CCSER1: variants seen among roughly 807,000 people sequenced by gnomAD.
CCSER1 encodes the protein coiled-coil serine rich protein 1, also known as serine-rich coiled-coil domain-containing protein 1.
In CCSER1, 41 loss-of-function variants were observed where a neutral mutation model predicts 82.0. That is an observed-to-expected ratio of 0.50 (90% CI 0.39 to 0.65). The LOEUF (loss-of-function observed/expected upper bound fraction) is 0.65, where lower values mean the gene tolerates loss of function less well. CCSER1 is among the 30% of genes least tolerant of loss of function. The pLI is 0.00. For missense variants in CCSER1, 1,119 were observed against 1,064.2 expected (o/e 1.05, Z -0.72); for synonymous variants, 414 against 383.9 (o/e 1.08, Z -0.92).
intron 9 of CCSER1, among the ~76,000 whole-genome samples, chr4:91,073,120 T>TTCAAAGA (rs1721607871): frequency 6.6e-6 from 1 of 152,078 alleles, no homozygotes; most frequent in Non-Finnish European, 1.5e-5. Context: ...AGTATAGACA[T>TTCAAAGA]TCAAAGATTA....
At chr4:91,268,646 C>T (rs1409880048) in intron 10 of CCSER1, among the ~76,000 whole-genome samples, 2 of 152,034 alleles carry the variant, frequency 1.3e-5, no homozygotes, top group African/African-American at 2.4e-5. Context: ...TCCGTAAAGA[C>T]AGTCAGCAAA....
Position 91,318,446 on chromosome 4 carries a change from G to C in CCSER1, c.2217+232452G>C, listed in dbSNP as rs141968694. Among the ~76,000 whole-genome samples the C allele has an allele frequency of 3.9e-3, 599 of 152,058 alleles. 3 individuals carry two copies. The highest frequency in any genetic ancestry group is 0.014 in the African/African-American group (575 of 41,526). On this transcript the variant is annotated intron_variant, in intron 10 of 10. Coordinates refer to ENST00000509176, the MANE Select transcript of CCSER1 (RefSeq NM_001145065.2). ...TAAGATATTGGAAAGAACTGAGTTT[G>C]AGTGAAATTCCTGGGTTTACATTAT...
chr4:90,181,008 G>C (rs574808105), intron 1 of CCSER1, among the ~76,000 whole-genome samples: 8 of 152,064 alleles, frequency 5.3e-5, no homozygotes, highest in Non-Finnish European at 1.0e-4. Flanking sequence ...GAGCATAACA[G>C]TAATCTTTAC....
At chr4:90,735,192 G>T (rs1402947698) in intron 7 of CCSER1, among the ~76,000 whole-genome samples, 1 of 152,126 alleles carries the variant, frequency 6.6e-6, no homozygotes, top group Non-Finnish European at 1.5e-5. Flanking sequence ...CATGACGAAT[G>T]ATCTTTTTAA....
chr4:90,849,743 C>T lies in CCSER1; in HGVS notation c.2094+33898C>T, dbSNP rs568144857. Among the ~76,000 whole-genome samples, 7 of 146,268 alleles carry T rather than the reference C, an allele frequency of 4.8e-5. No individual in the cohort carries two copies. In the East Asian group the frequency reaches 1.2e-3, roughly 26 times the overall value. On this transcript the variant is annotated intron_variant, in intron 8 of 10. Transcript: ENST00000509176. The stretch of plus-strand genomic sequence containing the variant: ...GGCAGAGCTTGCAGTGAGCCGTGAT[C>T]GTGCCACTGCACTCCAGCCTGGGCA...
At chr4:90,414,093 T>TTCC (rs2153557345) in intron 4 of CCSER1, among the ~76,000 whole-genome samples, 1 of 147,972 alleles carries the variant, frequency 6.8e-6, no homozygotes, top group South Asian at 2.1e-4. Flanking sequence ...TATTATTATT[T>TTCC]TTATGAAAGC....
chr4:90,883,024 AGAC>A (rs2150080338), intron 8 of CCSER1, among the ~76,000 whole-genome samples: 1 of 152,184 alleles, frequency 6.6e-6, no homozygotes, highest in African/African-American at 2.4e-5. Context: ...TATCCCAGTT[AGAC>A]TGATGAGAAA....
chr4:90,781,731 T>A (rs1753806024), intron 7 of CCSER1: 1 of 968,820 alleles, frequency 1.0e-6, no homozygotes, highest in Non-Finnish European at 1.2e-6. Context: ...TATATAGCCA[T>A]TGTTTGCAAG....
intron 10 of CCSER1, among the ~76,000 whole-genome samples, chr4:91,590,018 T>C (rs895729624): frequency 2.0e-5 from 3 of 152,058 alleles, no homozygotes; most frequent in Admixed American, 2.0e-4. Flanking sequence ...AGTCAAAACA[T>C]ATGCCTAGTG....
At chr4:91,409,204 A>C (rs7672281) in intron 10 of CCSER1, among the ~76,000 whole-genome samples, 116,400 of 152,104 alleles carry the variant, frequency 0.77, 45,030 homozygotes, top group African/African-American at 0.88. Context: ...TCTTCTTAAT[A>C]AACTTTGCAT....
intron 3 of CCSER1, among the ~76,000 whole-genome samples, chr4:90,389,088 A>G (rs1265768219): frequency 1.3e-5 from 2 of 152,242 alleles, no homozygotes; most frequent in Non-Finnish European, 2.9e-5. Context: ...AACGATTTTT[A>G]ACAAGAAGGT....
At chr4:90,243,095 G>T (rs1313847105) in intron 1 of CCSER1, among the ~76,000 whole-genome samples, 2 of 131,660 alleles carry the variant, frequency 1.5e-5, no homozygotes, top group African/African-American at 3.1e-5. Context: ...ATAGGATCTT[G>T]GTCTCTTGTC....
intron 10 of CCSER1, among the ~76,000 whole-genome samples, chr4:91,584,601 T>C (rs2110323591): frequency 6.6e-6 from 1 of 151,616 alleles, no homozygotes; most frequent in Admixed American, 6.6e-5. Flanking sequence ...CTAGTAAAAG[T>C]TTTGTTTTAC....
chr4:90,982,530 A>G (rs1184814132), intron 9 of CCSER1, among the ~76,000 whole-genome samples: 3 of 151,910 alleles, frequency 2.0e-5, no homozygotes, highest in African/African-American at 4.8e-5. Flanking sequence ...CAGAATGGGA[A>G]AGATATTATA....
At chr4:90,968,290 G>A (rs1359072503) in intron 9 of CCSER1, among the ~76,000 whole-genome samples, 1 of 151,972 alleles carries the variant, frequency 6.6e-6, no homozygotes, top group African/African-American at 2.4e-5. Context: ...CCACCAAAAG[G>A]TTCACTTATG....
intron 10 of CCSER1, among the ~76,000 whole-genome samples, chr4:91,379,994 T>G (rs942858267): frequency 1.3e-5 from 2 of 152,200 alleles, no homozygotes; most frequent in Non-Finnish European, 2.9e-5. Flanking sequence ...CTGCCTTCAT[T>G]TCGTTATGTA....
intron 10 of CCSER1, among the ~76,000 whole-genome samples, chr4:91,593,186 T>C (rs1402435991): frequency 6.6e-6 from 1 of 152,144 alleles, no homozygotes; most frequent in Non-Finnish European, 1.5e-5. Context: ...ATATCAGGTT[T>C]CATTTTACAA....
At chr4:90,193,660 C>T (rs1736056774) in intron 1 of CCSER1, among the ~76,000 whole-genome samples, 1 of 151,630 alleles carries the variant, frequency 6.6e-6, no homozygotes, top group South Asian at 2.1e-4. Context: ...ATTATTTTTA[C>T]ATGATAACAC....
intron 10 of CCSER1, among the ~76,000 whole-genome samples, chr4:91,315,018 C>T (rs141957383): frequency 6.6e-6 from 1 of 152,002 alleles, no homozygotes; most frequent in Non-Finnish European, 1.5e-5. Context: ...TTTAGTCCTG[C>T]AGGAAAACTC....
Sources: gnomAD v4.1 joint callset for allele counts (sites outside exome capture counted in the v4.1 genomes callset) on GRCh38, gnomAD v4.1.1 for gene constraint, MANE v1.5 for transcripts, NCBI Gene and HGNC (gene_info 2026-07-23, HGNC 2026-07-21) for gene names.